Variants in ZFYVE27 observed in about 807,000 individuals in gnomAD.
ZFYVE27 encodes the protein zinc finger FYVE-type containing 27, also known as protrudin.
A neutral mutation model predicts 52.8 loss-of-function variants in ZFYVE27; 36 were observed. That is an observed-to-expected ratio of 0.68 (90% CI 0.52 to 0.90). The LOEUF is 0.90. ZFYVE27 is among the 40% of genes least tolerant of loss of function. The pLI, the probability that ZFYVE27 is intolerant of heterozygous loss-of-function variation, is 0.00. For synonymous variants in ZFYVE27, 223 were observed against 215.6 expected (o/e 1.03, Z -0.30); for missense variants, 450 against 527.2 (o/e 0.85, Z 1.43).
intron 10 of ZFYVE27, 50 bp from the exon 11 acceptor site, chr10:97,757,215 G>C: frequency 4.3e-6 from 7 of 1,613,900 alleles, no homozygotes; most frequent in Admixed American, 1.7e-5. Context: ...GCAGGTGAGC[G>C]TGAGAGTCCT....
Position 97,759,369 on chromosome 10 carries a change from C to G in ZFYVE27, c.*69C>G. On this transcript the variant is annotated 3_prime_UTR_variant, in exon 13 of 13. Transcript: ENST00000684270. ...GCAGTAGACCCCCCACTCTCCCCACCCCTGGCCCACTGTGGTGTGTGCTGG... is the reference window on the plus strand; with the variant it reads ...GCAGTAGACCCCCCACTCTCCCCACGCCTGGCCCACTGTGGTGTGTGCTGG... 1 of 1,547,988 alleles carries G rather than the reference C, an allele frequency of 6.5e-7. No individual in the cohort carries two copies. Among genetic ancestry groups the G allele is most frequent in the Non-Finnish European group, 8.9e-7 (1 of 1,120,896 alleles).
intron 4 of ZFYVE27, among the ~76,000 whole-genome samples, chr10:97,746,380 A>G (rs996881623): frequency 1.3e-5 from 2 of 152,186 alleles, no homozygotes; most frequent in Non-Finnish European, 2.9e-5. Flanking sequence ...AAGTACAGGA[A>G]TAATACCAAG....
chr10:97,748,451 G>T, intron 5 of ZFYVE27, 87 bp downstream of exon 5: 2 of 1,359,328 alleles, frequency 1.5e-6, no homozygotes, highest in Non-Finnish European at 2.1e-6. Context: ...GAGGACCTCT[G>T]CCCCTCTTAC....
chr10:97,740,410 A>C lies in ZFYVE27; in HGVS notation c.197+1736A>C, dbSNP rs149840928. Among the ~76,000 whole-genome samples, 60 of 152,314 alleles carry C rather than the reference A, an allele frequency of 3.9e-4. No individual in the cohort carries two copies. In the East Asian group the frequency reaches 0.011, roughly 29 times the overall value. On this transcript the variant is annotated intron_variant, in intron 2 of 12. Transcript: ENST00000684270. ...AGGAGAGGCTGTTTTCTCCTTTTAT[A>C]ATCTCAGCATGATGTGAAGTTTGGT...
In ZFYVE27 at chr10:97,748,337, ACTGGGAGAAC is replaced by A; in HGVS notation, c.526_535del (p.Trp176ProfsTer30). On this transcript the variant is annotated frameshift_variant, in exon 5 of 13. Coordinates refer to ENST00000684270, the MANE Select transcript of ZFYVE27 (RefSeq NM_001385875.1). LOFTEE classifies it high-confidence loss of function. ...TGTGAAGCCGCCTACCGCGTGCTGC[ACTGGGAGAAC>A]CCCGTCGTGTCCTCACAGTGAGTGA... The A allele has an allele frequency of 6.2e-7, 1 of 1,614,136 alleles. No individual in the cohort carries two copies. The highest frequency in any genetic ancestry group is 1.3e-5 in the African/African-American group (1 of 75,034).
intron 1 of ZFYVE27, 56 bp from the exon 2 acceptor site, chr10:97,738,421 A>C: frequency 6.3e-7 from 1 of 1,589,720 alleles, no homozygotes; most frequent in Non-Finnish European, 8.6e-7. Context: ...CTGTAGGTAG[A>C]ATTGTGTTGA....
chr10:97,745,014 A>G, intron 4 of ZFYVE27, 99 bp downstream of exon 4: 1 of 1,365,766 alleles, frequency 7.3e-7, no homozygotes, highest in South Asian at 1.3e-5. Context: ...TAGGCAAACC[A>G]CAGCTGTTAC....
At chr10:97,755,869 G>C (rs2048226269) in intron 10 of ZFYVE27, among the ~76,000 whole-genome samples, 1 of 152,210 alleles carries the variant, frequency 6.6e-6, no homozygotes, top group Non-Finnish European at 1.5e-5. Context: ...GCATCGTCAC[G>C]TGGTGAGTGA....
At chr10:97,754,448 G>A (rs563708255) in intron 10 of ZFYVE27, among the ~76,000 whole-genome samples, 2 of 152,088 alleles carry the variant, frequency 1.3e-5, no homozygotes, top group East Asian at 3.9e-4. Context: ...GAGTAGCTGG[G>A]ACTACAGGCA....
chr10:97,757,716 G>T lies in ZFYVE27; in HGVS notation c.1164G>T (p.Gly388=), dbSNP rs1269358722. The T allele has an allele frequency of 1.9e-6, 3 of 1,614,106 alleles. No individual in the cohort carries two copies. Among genetic ancestry groups the T allele is most frequent in the Non-Finnish European group, 2.5e-6 (3 of 1,180,046 alleles). The change falls in exon 12 of 13, where the codon GGG becomes GGT. Residue 388 remains glycine (G), a synonymous_variant. Coordinates refer to ENST00000684270, the MANE Select transcript of ZFYVE27 (RefSeq NM_001385875.1). ...CSFKVPKSSM[G]ATAPEAQRET... is the part of the protein sequence containing the mutation. ...TCAAGGTGCCCAAGTCCTCCATGGG[G>T]GCCACAGGTGAGTGGTGCAGGTGGT...
intron 2 of ZFYVE27, among the ~76,000 whole-genome samples, chr10:97,739,745 C>T (rs550020262): frequency 1.2e-4 from 19 of 152,204 alleles, no homozygotes; most frequent in Non-Finnish European, 2.4e-4. Flanking sequence ...CAATCTCTCT[C>T]GTGACATTGA....
intron 10 of ZFYVE27, among the ~76,000 whole-genome samples, chr10:97,756,373 G>A (rs961322387): frequency 1.3e-5 from 2 of 152,170 alleles, no homozygotes; most frequent in Non-Finnish European, 2.9e-5. Context: ...CCTTTAGCAA[G>A]AACTTCAGGT....
intron 10 of ZFYVE27, among the ~76,000 whole-genome samples, 153 bp downstream of exon 10, chr10:97,753,335 C>G (rs1319650346): frequency 6.6e-6 from 1 of 152,002 alleles, no homozygotes; most frequent in Non-Finnish European, 1.5e-5. Context: ...CGCGGGACCC[C>G]GGGGAGCTAG....
chr10:97,759,365 C>T lies in ZFYVE27; in HGVS notation c.*65C>T, dbSNP rs1687938991. 2 of 1,560,910 alleles carry T rather than the reference C, an allele frequency of 1.3e-6. No individual in the cohort carries two copies. The highest frequency in any genetic ancestry group is 1.1e-5 in the South Asian group (1 of 89,780). ...ACCAGCAGTAGACCCCCCACTCTCC[C>T]CACCCCTGGCCCACTGTGGTGTGTG... On this transcript the variant is annotated 3_prime_UTR_variant, in exon 13 of 13. Transcript: ENST00000684270.
chr10:97,746,938 G>A (rs983993659), intron 4 of ZFYVE27, among the ~76,000 whole-genome samples: 1 of 152,120 alleles, frequency 6.6e-6, no homozygotes, highest in Admixed American at 6.5e-5. Context: ...CAATCCTCCT[G>A]CTTCAGCCTC....
At position 97,748,347 on chromosome 10, in the gene ZFYVE27, C is replaced by G; in HGVS notation, c.534C>G (p.Asn178Lys). 1.2e-6 allele frequency: 2 copies of G among 1,614,130 alleles called. No individual in the cohort carries two copies. Among genetic ancestry groups the G allele is most frequent in the Non-Finnish European group, 1.7e-6 (2 of 1,180,014 alleles). The change falls in exon 5 of 13, where the codon AAC (asparagine) becomes AAG (lysine). Residue 178 changes from asparagine to lysine, a missense_variant. Physicochemically the swap from Asn to Lys is moderately conservative, Grantham distance 94. Transcript: ENST00000684270. ...EAAYRVLHWE[N>K]PVVSSQFYGA... is the part of the protein sequence containing the mutation. ...CCTACCGCGTGCTGCACTGGGAGAA[C>G]CCCGTCGTGTCCTCACAGTGAGTGA...
Position 97,750,445 on chromosome 10 carries a change from G to C in ZFYVE27, c.779G>C (p.Ser260Thr), listed in dbSNP as rs2046624234. 2 of 1,614,050 alleles carry C rather than the reference G, an allele frequency of 1.2e-6. No individual in the cohort carries two copies. The highest frequency in any genetic ancestry group is 2.2e-5 in the South Asian group (2 of 91,094). The change falls in exon 7 of 13, where the codon AGC becomes ACC. Residue 260 changes from serine (S) to threonine (T), a missense_variant. Transcript: ENST00000684270. ...GGGGGGAAGGATGGTCTGATGGACA[G>C]CACGCCTGCCCTCACACCCACGGAG... ...DVGGKDGLMD[S>T]TPALTPTEDL...
At chr10:97,756,928 T>G (rs2048487453) in intron 10 of ZFYVE27, among the ~76,000 whole-genome samples, 1 of 152,208 alleles carries the variant, frequency 6.6e-6, no homozygotes, top group Non-Finnish European at 1.5e-5. Context: ...GGGATGCCTG[T>G]GGTCAGGTCC....
chr10:97,759,103 A>C, intron 12 of ZFYVE27, 133 bp from the exon 13 acceptor site: 1 of 925,190 alleles, frequency 1.1e-6, no homozygotes, highest in Non-Finnish European at 1.7e-6. Flanking sequence ...CGGGCAGGCT[A>C]GCAAGCTGGG....
Sources: allele counts gnomAD v4.1 joint callset (sites outside exome capture counted in the v4.1 genomes callset), GRCh38; gene constraint gnomAD v4.1.1; transcripts MANE v1.5; gene names NCBI Gene and HGNC (gene_info 2026-07-23, HGNC 2026-07-21).